ZKSCAN1: variants seen among roughly 807,000 people sequenced by gnomAD.
The protein encoded by ZKSCAN1 is zinc finger with KRAB and SCAN domains 1, also known as zinc finger protein with KRAB and SCAN domains 1.
In ZKSCAN1, 14 loss-of-function variants were observed where a neutral mutation model predicts 51.6. The ratio of observed to expected loss-of-function variants is 0.27; its 90% CI spans 0.18 to 0.42. The LOEUF (loss-of-function observed/expected upper bound fraction) is 0.42, where lower values mean the gene tolerates loss of function less well. Ranked by LOEUF, ZKSCAN1 falls within the 10% of genes least tolerant of loss-of-function variation. ZKSCAN1 has a pLI of 1.00. For synonymous variants in ZKSCAN1, 263 were observed against 261.5 expected, an observed-to-expected ratio of 1.01 and a Z score of -0.06; for missense variants, 531 against 710.0, an observed-to-expected ratio of 0.75 and a Z score of 2.86.
chr7:100,031,328 C>T (rs951645763), intron 5 of ZKSCAN1, among the ~76,000 whole-genome samples: 1 of 128,990 alleles, frequency 7.8e-6, no homozygotes, highest in African/African-American at 3.0e-5. Flanking sequence ...CCCAGGCTGG[C>T]ATGCAGTGCT....
chr7:100,033,627 A>G lies in ZKSCAN1; in HGVS notation c.1122A>G (p.Thr374=), dbSNP rs201503427. 1.2e-6 allele frequency: 2 copies of G among 1,614,234 alleles called. No individual in the cohort carries two copies. The highest frequency in any genetic ancestry group is 8.5e-7 in the Non-Finnish European group (1 of 1,180,040). ...CCCCTGAAGAAGTTCCCACGGGAAC[A>G]AAGTCTCACAGATGTGATGAATGTG... ...FTTPEEVPTG[T]KSHRCDECGK... is the part of the protein sequence containing the mutation. Residue 374 remains threonine (T), a synonymous_variant, in exon 6 of 6, where the codon ACA becomes ACG. Coordinates refer to ENST00000324306, the MANE Select transcript of ZKSCAN1 (RefSeq NM_003439.4). This position sits in a 1 kb window ranked among gnomAD's most constrained non-coding sequence, Gnocchi z 4.1.
chr7:100,034,642 A>T lies in ZKSCAN1; in HGVS notation c.*445A>T. The stretch of plus-strand genomic sequence containing the variant: ...ACATCCTGCTTATTTCTCAAAAAAG[A>T]GGGACAGTGAAAACAAAAACGACAT... On this transcript the variant is annotated 3_prime_UTR_variant, in exon 6 of 6. Coordinates refer to ENST00000324306, the MANE Select transcript of ZKSCAN1 (RefSeq NM_003439.4). 46 of 842,300 alleles carry T rather than the reference A, an allele frequency of 5.5e-5. No homozygotes were observed. The highest frequency in any genetic ancestry group is 6.3e-5 in the Non-Finnish European group (44 of 697,162). The allele number at this position is 842,300 out of a possible 1,614,324, so 52.2% of individuals were successfully genotyped here. A position where few individuals can be genotyped will look rare whatever the true frequency, so the allele number is the denominator to read the frequency against.
Position 100,036,833 on chromosome 7 carries a change from G to GT in ZKSCAN1, c.*2647dup, listed in dbSNP as rs11369732. The GT allele has an allele frequency of 0.48, 413,441 of 855,402 alleles. 39,454 individuals carry two copies. Among genetic ancestry groups the GT allele is most frequent in the East Asian group, 0.72 (6,035 of 8,428 alleles). 53.0% of individuals were successfully genotyped at this position (855,402 alleles called of 1,614,324 possible). ...TTGGTCATGTTTACATTGGCCTTTGGTTTTTTTTTTTCTTTCAGCCACAAC... is the reference window on the plus strand; with the variant it reads ...TTGGTCATGTTTACATTGGCCTTTGGTTTTTTTTTTTTCTTTCAGCCACAAC... On this transcript the variant is annotated 3_prime_UTR_variant, in exon 6 of 6. Coordinates refer to ENST00000324306, the MANE Select transcript of ZKSCAN1 (RefSeq NM_003439.4).
chr7:100,041,504 G>A lies in ZKSCAN1; in HGVS notation c.*7307G>A. On this transcript the variant is annotated 3_prime_UTR_variant, in exon 6 of 6. Transcript: ENST00000324306. The stretch of plus-strand genomic sequence containing the variant: ...TAAAGTTTTAATCATAAGAGAAAAG[G>A]CAGCATAATGAAATGTGTACACATA... The A allele has an allele frequency of 2.0e-6, 2 of 985,376 alleles. No individual in the cohort carries two copies. The highest frequency in any genetic ancestry group is 2.4e-6 in the Non-Finnish European group (2 of 829,934). 61.0% of individuals were successfully genotyped at this position (985,376 alleles called of 1,614,324 possible). A position where few individuals can be genotyped will look rare whatever the true frequency, so the allele number is the denominator to read the frequency against.
At chr7:100,022,212 G>A (rs752945953) in intron 1 of ZKSCAN1, among the ~76,000 whole-genome samples, 10 of 152,140 alleles carry the variant, frequency 6.6e-5, no homozygotes, top group African/African-American at 1.7e-4. Context: ...CCGCCACCGC[G>A]CCCAGCTAAT....
chr7:100,028,444 G>A (rs909918856), intron 3 of ZKSCAN1, among the ~76,000 whole-genome samples: 2 of 152,154 alleles, frequency 1.3e-5, no homozygotes, highest in Non-Finnish European at 2.9e-5. Context: ...AGCCTGGGAG[G>A]TCAAGGCTGC....
At position 100,034,067 on chromosome 7, in the gene ZKSCAN1, A is replaced by C. The variant is rs371114822; in HGVS notation, c.1562A>C (p.Lys521Thr). The C allele has an allele frequency of 1.2e-6, 2 of 1,613,856 alleles. No homozygotes were observed. Among genetic ancestry groups the C allele is most frequent in the African/African-American group, 1.3e-5 (1 of 74,952 alleles). The change falls in exon 6 of 6, where the codon AAG becomes ACG. Residue 521 changes from lysine to threonine, a missense_variant. Coordinates refer to ENST00000324306, the MANE Select transcript of ZKSCAN1 (RefSeq NM_003439.4). ...CGAGAAAAGCCCTACAAGTGCACTAAGTGTGGCAAGGCCTTCACCCGCAGC... is the reference window on the plus strand; with the variant it reads ...CGAGAAAAGCCCTACAAGTGCACTACGTGTGGCAAGGCCTTCACCCGCAGC... ...HTREKPYKCT[K>T]CGKAFTRSST...
Position 100,032,012 on chromosome 7 carries a change from G to A in ZKSCAN1, c.800-1293G>A, listed in dbSNP as rs148986682. On this transcript the variant is annotated intron_variant, in intron 5 of 5. Transcript: ENST00000324306. ...GAGGATCACTTGAGCCCAGGAGATC[G>A]AGGCTGCAGTGAGCTGTGCTCATGC... Among the ~76,000 whole-genome samples the A allele has an allele frequency of 6.3e-3, 957 of 152,314 alleles. 12 individuals are homozygous for A. The highest frequency in any genetic ancestry group is 0.022 in the African/African-American group (905 of 41,574).
intron 3 of ZKSCAN1, among the ~76,000 whole-genome samples, chr7:100,029,118 C>A (rs985953753): frequency 1.4e-5 from 2 of 146,760 alleles, no homozygotes; most frequent in East Asian, 2.0e-4. Context: ...GAGCTAAGAT[C>A]GCACCATTGC....
intron 3 of ZKSCAN1, chr7:100,024,897 T>TAAAAAAAAAAAAAAAAA: frequency 9.6e-6 from 1 of 103,734 alleles, no homozygotes; most frequent in Middle Eastern, 5.2e-3. Flanking sequence ...GAGACTGTCT[T>TAAAAAAAAAAAAAAAAA]AAAAAAAAAA....
chr7:100,030,847 T>A lies in ZKSCAN1; in HGVS notation c.799+472T>A, dbSNP rs550302409. ...TTCTGTCTTCTTCCATCCTGTGTGA[T>A]TAGTGTGATTCCAATACACTGCTTT... On this transcript the variant is annotated intron_variant, in intron 5 of 5. Transcript: ENST00000324306. Among the ~76,000 whole-genome samples, 17 of 152,358 alleles carry A rather than the reference T, an allele frequency of 1.1e-4. No homozygotes were observed. The South Asian group carries it at 3.1e-3, about 28-fold the overall frequency.
intron 1 of ZKSCAN1, among the ~76,000 whole-genome samples, chr7:100,019,501 T>G (rs1409244211): frequency 2.0e-5 from 3 of 151,582 alleles, no homozygotes; most frequent in African/African-American, 7.3e-5. Flanking sequence ...CTACCGTGCC[T>G]GGCCCTGATT....
chr7:100,029,955 G>A lies in ZKSCAN1; in HGVS notation c.672+3G>A. 1 of 1,614,088 alleles carries A rather than the reference G, an allele frequency of 6.2e-7. No individual in the cohort carries two copies. Among genetic ancestry groups the A allele is most frequent in the Non-Finnish European group, 8.5e-7 (1 of 1,179,968 alleles). On this transcript the variant is annotated splice_donor_region_variant and intron_variant, in intron 4 of 5. Transcript: ENST00000324306. ...CACTATTCACAGCGGATTCCCAGGTGAGCTGTGGCCCCTCTGCTCTCCTGA... is the reference window on the plus strand; with the variant it reads ...CACTATTCACAGCGGATTCCCAGGTAAGCTGTGGCCCCTCTGCTCTCCTGA...
intron 3 of ZKSCAN1, 111 bp from the exon 4 acceptor site, chr7:100,029,750 A>G: frequency 9.8e-7 from 1 of 1,019,720 alleles, no homozygotes; most frequent in Non-Finnish European, 1.4e-6. Flanking sequence ...TTTGGGACCT[A>G]AACACTGAAC....
Position 100,040,466 on chromosome 7 carries a change from T to C in ZKSCAN1, c.*6269T>C, listed in dbSNP as rs1280207165. 2 of 985,338 alleles carry C rather than the reference T, an allele frequency of 2.0e-6. No homozygotes were observed. Among genetic ancestry groups the C allele is most frequent in the Non-Finnish European group, 2.4e-6 (2 of 829,948 alleles). The allele number at this position is 985,338 out of a possible 1,614,324, so 61.0% of individuals were successfully genotyped here. On this transcript the variant is annotated 3_prime_UTR_variant, in exon 6 of 6. Transcript: ENST00000324306. Reference sequence around the variant, plus strand: ...GCAAGCACTCATTAAGGAGTGAGGCTGAGTATTTTAAGATAGAGTGAGATC... The same window carrying C: ...GCAAGCACTCATTAAGGAGTGAGGCCGAGTATTTTAAGATAGAGTGAGATC...
In ZKSCAN1 at chr7:100,027,680, G is replaced by A. The variant is rs201853246; in HGVS notation, c.581-2181G>A. ...GGAGAATGGCGTGAACCCGGGAGGC[G>A]GAGCTTGCAGTGAGCCGAGATTGCG... On this transcript the variant is annotated intron_variant, in intron 3 of 5. Transcript: ENST00000324306. Among the ~76,000 whole-genome samples the A allele has an allele frequency of 3.3e-5, 5 of 150,336 alleles. No individual in the cohort carries two copies. The East Asian group carries it at 1.0e-3, about 30-fold the overall frequency.
Position 100,036,082 on chromosome 7 carries a change from A to C in ZKSCAN1, c.*1885A>C, listed in dbSNP as rs1336246210. The C allele has an allele frequency of 2.0e-6, 2 of 985,350 alleles. No individual in the cohort carries two copies. The highest frequency in any genetic ancestry group is 2.4e-6 in the Non-Finnish European group (2 of 829,950). The allele number at this position is 985,350 out of a possible 1,614,324, so 61.0% of individuals were successfully genotyped here. On this transcript the variant is annotated 3_prime_UTR_variant, in exon 6 of 6. Transcript: ENST00000324306. ...CACTGATCAGCAGCTAAAGTCCATG[A>C]GACCAAATGGTTTTATATGGAACCA...
rs1249933228 is a variant in ZKSCAN1, at chr7:100,040,620, C to G, written c.*6423C>G. 2.0e-6 allele frequency: 2 copies of G among 985,410 alleles called. No individual in the cohort carries two copies. The highest frequency in any genetic ancestry group is 1.1e-4 in the East Asian group (1 of 8,814). 61.0% of individuals were successfully genotyped at this position (985,410 alleles called of 1,614,324 possible). A position where few individuals can be genotyped will look rare whatever the true frequency, so the allele number is the denominator to read the frequency against. On this transcript the variant is annotated 3_prime_UTR_variant, in exon 6 of 6. Transcript: ENST00000324306. Reference sequence around the variant, plus strand: ...TTGCCCTAAATCTCCATCATTAAGTCTTCCAGCAAGGTTAAGTGCAGTATG... The same window carrying G: ...TTGCCCTAAATCTCCATCATTAAGTGTTCCAGCAAGGTTAAGTGCAGTATG...
In ZKSCAN1 at chr7:100,033,138, C is replaced by T. The variant is rs1020637298; in HGVS notation, c.800-167C>T. The stretch of plus-strand genomic sequence containing the variant: ...AGTGAACTGAGATCACGTCACTGCA[C>T]TCCAGCCTGGGCGACAGAGCGAGAC... On this transcript the variant is annotated intron_variant, in intron 5 of 5. Coordinates refer to ENST00000324306, the MANE Select transcript of ZKSCAN1 (RefSeq NM_003439.4). This position sits in a 1 kb window ranked among gnomAD's most constrained non-coding sequence, Gnocchi z 4.1. Among the ~76,000 whole-genome samples the T allele has an allele frequency of 1.3e-5, 2 of 152,132 alleles. No individual in the cohort carries two copies. The highest frequency in any genetic ancestry group is 4.8e-5 in the African/African-American group (2 of 41,424).
Sources: allele counts gnomAD v4.1 joint callset (sites outside exome capture counted in the v4.1 genomes callset), GRCh38; gene constraint gnomAD v4.1.1; non-coding constraint Gnocchi (gnomAD v3.1); transcripts MANE v1.5; gene names NCBI Gene and HGNC (gene_info 2026-07-23, HGNC 2026-07-21).